Variants in RFX3 observed in about 807,000 individuals in gnomAD.
RFX3 encodes regulatory factor X3, also known as transcription factor RFX3.
A neutral mutation model predicts 98.6 loss-of-function variants in RFX3; 14 were observed. The observed-to-expected ratio is 0.14, with a 90% CI of 0.09 to 0.22. The LOEUF is 0.22. Ranked by LOEUF, RFX3 falls within the 10% of genes least tolerant of loss-of-function variation. RFX3 has a pLI of 1.00. For synonymous variants in RFX3, 383 were observed against 328.4 expected, an observed-to-expected ratio of 1.17 and a Z score of -1.80; for missense variants, 639 against 926.9, an observed-to-expected ratio of 0.69 and a Z score of 4.03.
rs113483571 is a variant in RFX3 at position 3,374,035 on chromosome 9, A to G, written c.117+21437T>C. Among the ~76,000 whole-genome samples, 390 of 152,048 alleles carry G rather than the reference A, an allele frequency of 2.6e-3. 1 individual carries two copies. Among genetic ancestry groups the G allele is most frequent in the African/African-American group, 8.9e-3 (371 of 41,470 alleles). On this transcript the variant is annotated intron_variant, in intron 2 of 16. Coordinates refer to ENST00000617270, the MANE Select transcript of RFX3 (RefSeq NM_001282116.2). ...AGAGGTTGCAGTGAGTCGAGATGGC[A>G]CCACTACACTCCAGCCTGGGCGACA... is the stretch of plus-strand genomic sequence containing the variant.
chr9:3,307,919 ATCT>A (rs1048208855), intron 4 of RFX3, among the ~76,000 whole-genome samples: 12 of 152,094 alleles, frequency 7.9e-5, no homozygotes, highest in African/African-American at 2.2e-4. Flanking sequence ...ATTTTTTAAA[ATCT>A]TCTTCTGCCT....
chr9:3,277,219 A>C, intron 8 of RFX3, 121 bp downstream of exon 8: 1 of 932,612 alleles, frequency 1.1e-6, no homozygotes, highest in Non-Finnish European at 1.7e-6. Flanking sequence ...GATGTGCATA[A>C]TTTTGGCACC....
chr9:3,384,139 G>C (rs908205532), intron 2 of RFX3, among the ~76,000 whole-genome samples: 2 of 152,066 alleles, frequency 1.3e-5, no homozygotes, highest in African/African-American at 2.4e-5. Context: ...TGCTATCAGG[G>C]GCAGCAGGAA....
intron 1 of RFX3, among the ~76,000 whole-genome samples, chr9:3,477,127 A>C (rs1849339830): frequency 6.6e-6 from 1 of 152,122 alleles, no homozygotes; most frequent in Admixed American, 6.5e-5. Context: ...TTACTTTTAT[A>C]AACACTTCTC....
At chr9:3,349,324 G>C (rs564264865) in intron 2 of RFX3, among the ~76,000 whole-genome samples, 22 of 151,924 alleles carry the variant, frequency 1.4e-4, no homozygotes, top group African/African-American at 4.8e-4. Flanking sequence ...CTGCCCTTAA[G>C]ATATATGCCC....
At chr9:3,316,749 G>C (rs1236375513) in intron 4 of RFX3, among the ~76,000 whole-genome samples, 1 of 152,140 alleles carries the variant, frequency 6.6e-6, no homozygotes, top group East Asian at 1.9e-4. Flanking sequence ...GCCAAATCAT[G>C]AATGAACTCC....
chr9:3,380,122 T>G (rs1308226149), intron 2 of RFX3, among the ~76,000 whole-genome samples: 1 of 152,122 alleles, frequency 6.6e-6, no homozygotes, highest in African/African-American at 2.4e-5. Flanking sequence ...GATGAGGGTT[T>G]CACCATGTTG....
At position 3,287,612 on chromosome 9, in the gene RFX3, C is replaced by T. The variant is rs189329602; in HGVS notation, c.851+519G>A. 4.8e-4 allele frequency among the ~76,000 whole-genome samples: 73 copies of T among 152,020 alleles called. 1 individual carries two copies. In the East Asian group the frequency reaches 0.011, roughly 24 times the overall value. On this transcript the variant is annotated intron_variant, in intron 7 of 16. Transcript: ENST00000617270. ...GATTCTATTCATCCGTCCATCCATC[C>T]GTCCATACGTCCATCCATCCATCAT...
At chr9:3,473,744 T>C (rs1477297323) in intron 1 of RFX3, among the ~76,000 whole-genome samples, 1 of 152,206 alleles carries the variant, frequency 6.6e-6, no homozygotes, top group Non-Finnish European at 1.5e-5. Flanking sequence ...GGAGTTTTAT[T>C]GTTATTGTAA....
chr9:3,370,464 T>C (rs959321485), intron 2 of RFX3, among the ~76,000 whole-genome samples: 1 of 151,562 alleles, frequency 6.6e-6, no homozygotes, highest in African/African-American at 2.4e-5. Flanking sequence ...AAGTACATGA[T>C]TTTTAAAAAT....
At chr9:3,422,233 G>C (rs1253986234) in intron 1 of RFX3, among the ~76,000 whole-genome samples, 1 of 152,154 alleles carries the variant, frequency 6.6e-6, no homozygotes, top group Non-Finnish European at 1.5e-5. Context: ...ATGAAAACTA[G>C]TCTTGTTTCA....
At chr9:3,289,784 C>A (rs1045297350) in intron 6 of RFX3, among the ~76,000 whole-genome samples, 2 of 151,862 alleles carry the variant, frequency 1.3e-5, no homozygotes, top group African/African-American at 2.4e-5. Context: ...ATAAAAGGTA[C>A]CTTTTTATTT....
rs546354664 is a variant in RFX3 at position 3,388,876 on chromosome 9, T to TA, written c.117+6595dup. Among the ~76,000 whole-genome samples the TA allele has an allele frequency of 8.0e-4, 121 of 152,200 alleles. 3 individuals are homozygous for TA. In the South Asian group the frequency reaches 0.025, roughly 31 times the overall value. ...TGTGTTACATTTAGAAGAAACAATATAGAGACAATACATTTACTCATTTTG... is the reference window on the plus strand; with the variant it reads ...TGTGTTACATTTAGAAGAAACAATATAAGAGACAATACATTTACTCATTTTG... On this transcript the variant is annotated intron_variant, in intron 2 of 16. Transcript: ENST00000617270.
At chr9:3,376,890 T>A (rs1469153226) in intron 2 of RFX3, among the ~76,000 whole-genome samples, 3 of 152,112 alleles carry the variant, frequency 2.0e-5, no homozygotes, top group Non-Finnish European at 4.4e-5. Context: ...AAAACCACTA[T>A]GAGATACCAT....
At position 3,291,359 on chromosome 9, in the gene RFX3, G is replaced by A. The variant is rs115891335; in HGVS notation, c.731+1718C>T. On this transcript the variant is annotated intron_variant, in intron 6 of 16. Transcript: ENST00000617270. ...TGCACTCCAGCCTGGGCAACAGAGCGAGAATCCTTCTCAAAAAACAAAACA... is the reference window on the plus strand; with the variant it reads ...TGCACTCCAGCCTGGGCAACAGAGCAAGAATCCTTCTCAAAAAACAAAACA... 6.7e-3 allele frequency among the ~76,000 whole-genome samples: 1,021 copies of A among 151,628 alleles called. 15 individuals carry two copies. Among genetic ancestry groups the A allele is most frequent in the African/African-American group, 0.024 (979 of 41,318 alleles).
chr9:3,408,254 G>A (rs899442448), intron 1 of RFX3, among the ~76,000 whole-genome samples: 1 of 152,154 alleles, frequency 6.6e-6, no homozygotes, highest in African/African-American at 2.4e-5. Flanking sequence ...CAATAACTGA[G>A]AAGTAGAGCT....
rs190323898 is a variant in RFX3 at position 3,487,588 on chromosome 9, C to A, written c.-9+38159G>T. 8.5e-5 allele frequency among the ~76,000 whole-genome samples: 13 copies of A among 152,156 alleles called. No individual in the cohort carries two copies. In the East Asian group the frequency reaches 2.3e-3, roughly 27 times the overall value. On this transcript the variant is annotated intron_variant, in intron 1 of 16. Transcript: ENST00000617270. ...TAACTTTGATCATCACTTCTAGCAA[C>A]TGCAATAACAAAAAGAGAGGTATAG...
intron 15 of RFX3, among the ~76,000 whole-genome samples, chr9:3,234,944 G>A (rs990267036): frequency 6.6e-6 from 1 of 152,188 alleles, no homozygotes; most frequent in African/African-American, 2.4e-5. Context: ...AAGGTCACAA[G>A]GGAAAAGTAA....
In RFX3 at chr9:3,330,482, A is replaced by C; in HGVS notation, c.251T>G (p.Met84Arg). 1 of 1,613,980 alleles carries C rather than the reference A, an allele frequency of 6.2e-7. No homozygotes were observed. The change falls in exon 4 of 17, where the codon ATG (methionine) becomes AGG (arginine). Residue 84 changes from methionine to arginine, a missense_variant. By Grantham distance (91) the Met-to-Arg change is moderately conservative. Around this residue, in one of 9 missense-constraint regions of RFX3, gnomAD observed 210 missense variants for 197.7 expected, o/e 1.06. Coordinates refer to ENST00000617270, the MANE Select transcript of RFX3 (RefSeq NM_001282116.2). ...TTTYPYTETQ[M>R]YSQNTGGNYF... is the part of the protein sequence containing the mutation. ...ATTCCCTCCAGTATTTTGGCTGTACATCTGTGTCTCTGTGTAAGGATACGT... is the reference window on the plus strand; with the variant it reads ...ATTCCCTCCAGTATTTTGGCTGTACCTCTGTGTCTCTGTGTAAGGATACGT...
Sources: allele counts gnomAD v4.1 joint callset (sites outside exome capture counted in the v4.1 genomes callset), GRCh38; gene constraint gnomAD v4.1.1; regional missense constraint gnomAD v4.1.1; transcripts MANE v1.5; gene names NCBI Gene and HGNC (gene_info 2026-07-23, HGNC 2026-07-21).